Variants in CNTN2 observed in about 807,000 individuals in gnomAD.
The protein encoded by CNTN2 is contactin-2.
Under a neutral mutation model 117.5 loss-of-function variants are expected in CNTN2, and 53 were observed. That is an observed-to-expected ratio of 0.45 (90% CI 0.36 to 0.57). CNTN2 has a LOEUF of 0.57. Ranked by LOEUF, CNTN2 falls within the 20% of genes least tolerant of loss-of-function variation. The pLI is 0.00. For missense variants in CNTN2, 1,106 were observed against 1,404.3 expected, an observed-to-expected ratio of 0.79 and a Z score of 3.39; for synonymous variants, 530 against 561.7, an observed-to-expected ratio of 0.94 and a Z score of 0.80.
At position 205,077,383 on chromosome 1, in the gene CNTN2, T is replaced by C. The variant is rs928737513; in HGVS notation, c.*3618T>C. 2 of 152,272 alleles carry C rather than the reference T, an allele frequency of 1.3e-5. No individual in the cohort carries two copies. The highest frequency in any genetic ancestry group is 2.9e-5 in the Non-Finnish European group (2 of 68,066). The allele number at this position is 152,272 out of a possible 1,614,324, so 9.4% of individuals were successfully genotyped here. A position where few individuals can be genotyped will look rare whatever the true frequency, so the allele number is the denominator to read the frequency against. ...ACAGAGGAATCTTTTCTCTGCCTGGTCTCAGAATGGGACTGCCAACTGGCT... is the reference window on the plus strand; with the variant it reads ...ACAGAGGAATCTTTTCTCTGCCTGGCCTCAGAATGGGACTGCCAACTGGCT... On this transcript the variant is annotated 3_prime_UTR_variant, in exon 23 of 23. Coordinates refer to ENST00000331830, the MANE Select transcript of CNTN2 (RefSeq NM_005076.5).
intron 1 of CNTN2, among the ~76,000 whole-genome samples, chr1:205,050,917 C>A (rs2096451666): frequency 6.6e-6 from 1 of 152,204 alleles, no homozygotes; most frequent in South Asian, 2.1e-4. Context: ...CGGTGCCCGG[C>A]CTTCTGAGTA....
Position 205,064,780 on chromosome 1 carries a change from G to A in CNTN2, c.1519+30G>A, listed in dbSNP as rs761840277. ...GGGCTGCCATGTGGGTAGGCCGGGG[G>A]CTCAGCCTCCTCAGGGTACTGTCCT... is the stretch of plus-strand genomic sequence containing the variant. On this transcript the variant is annotated intron_variant, in intron 12 of 22. Coordinates refer to ENST00000331830, the MANE Select transcript of CNTN2 (RefSeq NM_005076.5). 8 of 1,611,748 alleles carry A rather than the reference G, an allele frequency of 5.0e-6. No individual in the cohort carries two copies. In the Admixed American group the frequency reaches 6.7e-5, roughly 13 times the overall value.
intron 9 of CNTN2, 110 bp from the exon 10 acceptor site, chr1:205,062,330 C>A: frequency 2.9e-6 from 4 of 1,396,126 alleles, no homozygotes; most frequent in Non-Finnish European, 3.9e-6. Flanking sequence ...TAAGCCATAT[C>A]CTCTAGGGAT....
chr1:205,069,926 G>A lies in CNTN2; in HGVS notation c.2296G>A (p.Ala766Thr), dbSNP rs777860430. 12 of 1,613,646 alleles carry A rather than the reference G, an allele frequency of 7.4e-6. No homozygotes were observed. Among genetic ancestry groups the A allele is most frequent in the Middle Eastern group, 1.6e-4 (1 of 6,084 alleles). ...CTGGCAGACCGCCCGGGTGCCTGGCGCCGATGCCCAGTACTTTGTCTACAG... is the reference window on the plus strand; with the variant it reads ...CTGGCAGACCGCCCGGGTGCCTGGCACCGATGCCCAGTACTTTGTCTACAG... ...THWQTARVPG[A>T]DAQYFVYSNE... Residue 766 changes from alanine to threonine, a missense_variant, in exon 18 of 23, where the codon GCC becomes ACC. Physicochemically the swap from Ala to Thr is moderately conservative, Grantham distance 58. Transcript: ENST00000331830.
chr1:205,065,364 T>A lies in CNTN2; in HGVS notation c.1695+102T>A. The A allele has an allele frequency of 8.0e-7, 1 of 1,248,522 alleles. No homozygotes were observed. The highest frequency in any genetic ancestry group is 1.1e-6 in the Non-Finnish European group (1 of 889,978). The allele number at this position is 1,248,522 out of a possible 1,614,324, so 77.3% of individuals were successfully genotyped here. A position where few individuals can be genotyped will look rare whatever the true frequency, so the allele number is the denominator to read the frequency against. ...CCTCACCTTTAAGAAACCCATAGCC[T>A]AAGCGCCCCCATTCCCTCAGGCCCA... On this transcript the variant is annotated intron_variant, in intron 13 of 22. Coordinates refer to ENST00000331830, the MANE Select transcript of CNTN2 (RefSeq NM_005076.5). The surrounding 1 kb of genome is among the most constrained non-coding windows in gnomAD (Gnocchi z 4.1).
In CNTN2 at chr1:205,061,987, C is replaced by G. The variant is rs776623725; in HGVS notation, c.1096C>G (p.Pro366Ala). The G allele has an allele frequency of 6.2e-7, 1 of 1,613,502 alleles. No individual in the cohort carries two copies. Among genetic ancestry groups the G allele is most frequent in the Non-Finnish European group, 8.5e-7 (1 of 1,179,838 alleles). ...PTVRWLRNGEPLASQNRVEVL... is the reference protein window; with the variant it reads ...PTVRWLRNGEALASQNRVEVL... ...AGTGCGCTGGCTGCGGAACGGGGAGCCTCTGGCCTCCCAGGTAGGAGACAT... is the reference window on the plus strand; with the variant it reads ...AGTGCGCTGGCTGCGGAACGGGGAGGCTCTGGCCTCCCAGGTAGGAGACAT... Residue 366 changes from proline (P) to alanine (A), a missense_variant, in exon 9 of 23, where the codon CCT (proline) becomes GCT (alanine). Transcript: ENST00000331830. This position sits in a 1 kb window ranked among gnomAD's most constrained non-coding sequence, Gnocchi z 4.8.
intron 1 of CNTN2, among the ~76,000 whole-genome samples, chr1:205,052,626 C>T (rs1187482864): frequency 6.6e-6 from 1 of 152,204 alleles, no homozygotes; most frequent in African/African-American, 2.4e-5. Flanking sequence ...CTTAAGGCAG[C>T]TCCCAGAGGG....
chr1:205,059,433 T>C lies in CNTN2; in HGVS notation c.697+140T>C. On this transcript the variant is annotated intron_variant, in intron 6 of 22. Coordinates refer to ENST00000331830, the MANE Select transcript of CNTN2 (RefSeq NM_005076.5). This position sits in a 1 kb window ranked among gnomAD's most constrained non-coding sequence, Gnocchi z 5.6. ...GCCCTGGACCCCCAGATCCTCCTGC[T>C]TCAAATCCTGAGGCCCTTGCCCCAG... 1 of 1,159,268 alleles carries C rather than the reference T, an allele frequency of 8.6e-7. No individual in the cohort carries two copies. Among genetic ancestry groups the C allele is most frequent in the Non-Finnish European group, 1.3e-6 (1 of 797,538 alleles). 71.8% of individuals were successfully genotyped at this position (1,159,268 alleles called of 1,614,324 possible).
At chr1:205,063,908 G>GAA (rs920508536) in intron 10 of CNTN2, among the ~76,000 whole-genome samples, 19 of 150,110 alleles carry the variant, frequency 1.3e-4, no homozygotes, top group Admixed American at 7.3e-4. Context: ...GAGAGAGAGA[G>GAA]AAAAAAAAAG....
intron 12 of CNTN2, 51 bp downstream of exon 12, chr1:205,064,801 G>GTCCTC: frequency 6.2e-7 from 1 of 1,602,708 alleles, no homozygotes; most frequent in South Asian, 1.1e-5. Flanking sequence ...TCAGGGTACT[G>GTCCTC]TCCTCCCCAT....
Position 205,077,472 on chromosome 1 carries a change from C to T in CNTN2, c.*3707C>T, listed in dbSNP as rs1344252803. On this transcript the variant is annotated 3_prime_UTR_variant, in exon 23 of 23. Coordinates refer to ENST00000331830, the MANE Select transcript of CNTN2 (RefSeq NM_005076.5). Reference sequence around the variant, plus strand: ...CTGGCATGACAGTGGTGCTCTGTCTCCCTGGGTGACACCCACCCTAGGCTT... The same window carrying T: ...CTGGCATGACAGTGGTGCTCTGTCTTCCTGGGTGACACCCACCCTAGGCTT... 1 of 152,228 alleles carries T rather than the reference C, an allele frequency of 6.6e-6. No individual in the cohort carries two copies. The highest frequency in any genetic ancestry group is 1.5e-5 in the Non-Finnish European group (1 of 68,058). The allele number at this position is 152,228 out of a possible 1,614,324, so 9.4% of individuals were successfully genotyped here. A position where few individuals can be genotyped will look rare whatever the true frequency, so the allele number is the denominator to read the frequency against.
Position 205,064,380 on chromosome 1 carries a change from G to C in CNTN2, c.1299G>C (p.Gly433=), listed in dbSNP as rs368462793. 6 of 1,609,938 alleles carry C rather than the reference G, an allele frequency of 3.7e-6. No individual in the cohort carries two copies. Among genetic ancestry groups the C allele is most frequent in the Non-Finnish European group, 4.2e-6 (5 of 1,176,680 alleles). ...PVRRLIPAAR[G]GEILIPCQPR... is the part of the protein sequence containing the mutation. Reference sequence around the variant, plus strand: ...GGCGTCTGATCCCCGCGGCCCGCGGGGGAGAGATCCTTATCCCCTGCCAGC... The same window carrying C: ...GGCGTCTGATCCCCGCGGCCCGCGGCGGAGAGATCCTTATCCCCTGCCAGC... The change falls in exon 11 of 23, where the codon GGG becomes GGC. Residue 433 remains glycine, a synonymous_variant. Transcript: ENST00000331830.
intron 10 of CNTN2, among the ~76,000 whole-genome samples, chr1:205,064,107 G>A (rs1262324326): frequency 1.4e-5 from 2 of 148,018 alleles, no homozygotes; most frequent in Non-Finnish European, 3.0e-5. Context: ...GGGGTGGCAG[G>A]GGTGGTGGTG....
chr1:205,072,935 GGGA>G (rs1364718832), intron 21 of CNTN2, 130 bp from the exon 22 acceptor site: 7 of 914,776 alleles, frequency 7.7e-6, no homozygotes, highest in Non-Finnish European at 6.6e-6. Flanking sequence ...TTTGTCAATG[GGGA>G]GGAGGGGTGA....
At position 205,053,234 on chromosome 1, in the gene CNTN2, G is replaced by A. The variant is rs1290934625; in HGVS notation, c.49G>A (p.Val17Met). ...GCCACACCTGCTGCTGGTAGCTGCT[G>A]TGGCCCTTGTCTCCTCTTCAGGTAA... ...RKPHLLLVAA[V>M]ALVSSSAWSS... is the part of the protein sequence containing the mutation. Residue 17 changes from valine (V) to methionine (M), a missense_variant, in exon 2 of 23, where the codon GTG becomes ATG. Val to Met is a conservative substitution (Grantham distance 21). Transcript: ENST00000331830. The A allele has an allele frequency of 6.2e-7, 1 of 1,612,912 alleles. No homozygotes were observed. Among genetic ancestry groups the A allele is most frequent in the Admixed American group, 1.7e-5 (1 of 59,902 alleles).
At chr1:205,054,442 C>T (rs2096457861) in intron 2 of CNTN2, among the ~76,000 whole-genome samples, 6 of 152,226 alleles carry the variant, frequency 3.9e-5, no homozygotes, top group Admixed American at 3.9e-4. Context: ...TCCAAGGGTC[C>T]ACCAGACTGG....
chr1:205,061,944 C>G lies in CNTN2; in HGVS notation c.1053C>G (p.Ala351=). The G allele has an allele frequency of 6.2e-7, 1 of 1,610,182 alleles. No individual in the cohort carries two copies. Among genetic ancestry groups the G allele is most frequent in the Non-Finnish European group, 8.5e-7 (1 of 1,178,310 alleles). ...ACCTGCGTTGGGGCTGTGCAGCCGC[C>G]GGCAAGCCCCGGCCTACAGTGCGCT... ...GSNLRWGCAA[A]GKPRPTVRWL... The change falls in exon 9 of 23, where the codon GCC becomes GCG. Residue 351 remains alanine (A), a synonymous_variant. Transcript: ENST00000331830. This position sits in a 1 kb window ranked among gnomAD's most constrained non-coding sequence, Gnocchi z 4.8.
intron 19 of CNTN2, among the ~76,000 whole-genome samples, 153 bp from the exon 20 acceptor site, chr1:205,071,794 T>C (rs1654605760): frequency 6.6e-6 from 1 of 152,068 alleles, no homozygotes; most frequent in Non-Finnish European, 1.5e-5. Context: ...GGCCCTGCTG[T>C]CTGGGTGCTC....
At chr1:205,070,780 G>A in intron 19 of CNTN2, 1 of 299,710 alleles carries the variant, frequency 3.3e-6, no homozygotes, top group Non-Finnish European at 6.4e-6. Context: ...TAGATCTCCT[G>A]AGATCAGGAG....
Sources: gnomAD v4.1 joint callset for allele counts (sites outside exome capture counted in the v4.1 genomes callset) on GRCh38, gnomAD v4.1.1 for gene constraint, Gnocchi (gnomAD v3.1) non-coding constraint, MANE v1.5 for transcripts, NCBI Gene and HGNC (gene_info 2026-07-23, HGNC 2026-07-21) for gene names.